Variants in TMEM212 observed in about 807,000 individuals in gnomAD.
TMEM212 encodes transmembrane protein 212.
TMEM212 carries 23 observed loss-of-function variants against 20.5 expected under a neutral mutation model. The observed-to-expected ratio is 1.12, with a 90% CI of 0.81 to 1.59. TMEM212 has a LOEUF of 1.59. TMEM212 is among the 40% of genes most tolerant of loss of function. The pLI is 0.00. For synonymous variants in TMEM212, 76 were observed against 81.6 expected, an observed-to-expected ratio of 0.93 and a Z score of 0.37; for missense variants, 211 against 215.0, an observed-to-expected ratio of 0.98 and a Z score of 0.12.
intron 1 of TMEM212, among the ~76,000 whole-genome samples, chr3:171,843,947 C>T (rs1724774206): frequency 6.6e-6 from 1 of 152,178 alleles, no homozygotes; most frequent in South Asian, 2.1e-4. Flanking sequence ...CTAATGCTTT[C>T]ATTGCAAACA....
At chr3:171,854,059 C>T (rs545190050) in intron 3 of TMEM212, among the ~76,000 whole-genome samples, 29 of 151,860 alleles carry the variant, frequency 1.9e-4, no homozygotes, top group Non-Finnish European at 3.5e-4. Context: ...AAGTTATGGC[C>T]GTAGGTAGCA....
At chr3:171,855,854 A>C (rs560422145) in intron 3 of TMEM212, among the ~76,000 whole-genome samples, 8 of 152,364 alleles carry the variant, frequency 5.3e-5, no homozygotes, top group Admixed American at 5.2e-4. Flanking sequence ...GATTATTAAA[A>C]GTTAAAATAG....
At chr3:171,850,437 G>C (rs531377063) in intron 1 of TMEM212, among the ~76,000 whole-genome samples, 1 of 152,304 alleles carries the variant, frequency 6.6e-6, no homozygotes, top group South Asian at 2.1e-4. Flanking sequence ...AAGTAGTTAA[G>C]GCAACCTGGA....
At chr3:171,851,127 A>C (rs1223856614) in intron 1 of TMEM212, among the ~76,000 whole-genome samples, 3 of 152,180 alleles carry the variant, frequency 2.0e-5, no homozygotes, top group Non-Finnish European at 2.9e-5. Flanking sequence ...TATTTTAGGC[A>C]CATCTCTTCC....
chr3:171,844,975 G>T (rs1724799869), intron 1 of TMEM212, among the ~76,000 whole-genome samples: 1 of 152,168 alleles, frequency 6.6e-6, no homozygotes, highest in South Asian at 2.1e-4. Context: ...TTATGGGAGA[G>T]TCGATGGAAT....
At chr3:171,852,151 G>A in intron 2 of TMEM212, 110 bp downstream of exon 2, 1 of 896,188 alleles carries the variant, frequency 1.1e-6, no homozygotes, top group East Asian at 2.7e-5. Flanking sequence ...ATTGAATTTG[G>A]TCTAATTGAT....
At chr3:171,851,702 C>T (rs983104900) in intron 1 of TMEM212, among the ~76,000 whole-genome samples, 1 of 152,196 alleles carries the variant, frequency 6.6e-6, no homozygotes, top group African/African-American at 2.4e-5. Context: ...ATCGTGGTGA[C>T]ACCTTACAGT....
At chr3:171,856,762 A>T in intron 4 of TMEM212, 55 bp downstream of exon 4, 1 of 560,382 alleles carries the variant, frequency 1.8e-6, no homozygotes, top group Non-Finnish European at 3.2e-6. Context: ...AAGCACACAG[A>T]TTAATAGAAT....
At chr3:171,844,637 C>A (rs2108377459) in intron 1 of TMEM212, among the ~76,000 whole-genome samples, 1 of 152,082 alleles carries the variant, frequency 6.6e-6, no homozygotes, top group East Asian at 1.9e-4. Flanking sequence ...ACCTGGGAGG[C>A]AGAGTTTGCA....
chr3:171,850,904 T>C (rs1204139041), intron 1 of TMEM212, among the ~76,000 whole-genome samples: 1 of 152,058 alleles, frequency 6.6e-6, no homozygotes, highest in Non-Finnish European at 1.5e-5. Context: ...ACATTCAAAA[T>C]AAAATATGCC....
intron 4 of TMEM212, among the ~76,000 whole-genome samples, chr3:171,857,806 C>A (rs1725154263): frequency 6.6e-6 from 1 of 152,120 alleles, no homozygotes; most frequent in African/African-American, 2.4e-5. Flanking sequence ...TTTAACATTA[C>A]AAATTATTAG....
At chr3:171,852,260 G>A (rs1327322493) in intron 2 of TMEM212, among the ~76,000 whole-genome samples, 1 of 151,960 alleles carries the variant, frequency 6.6e-6, no homozygotes, top group Non-Finnish European at 1.5e-5. Context: ...GAGTGCAGTG[G>A]CATGATCTCG....
At chr3:171,852,181 C>A in intron 2 of TMEM212, 140 bp downstream of exon 2, 1 of 655,926 alleles carries the variant, frequency 1.5e-6, no homozygotes, top group Non-Finnish European at 2.5e-6. Context: ...CAATGGATTT[C>A]AGAAATAAAC....
intron 2 of TMEM212, 102 bp downstream of exon 2, chr3:171,852,143 T>C: frequency 1.0e-6 from 1 of 952,674 alleles, no homozygotes; most frequent in Non-Finnish European, 1.6e-6. Flanking sequence ...CAATTAGAAT[T>C]GAATTTGGTC....
intron 2 of TMEM212, among the ~76,000 whole-genome samples, chr3:171,852,854 TG>T (rs1482053600): frequency 7.2e-5 from 11 of 152,252 alleles, no homozygotes; most frequent in Non-Finnish European, 1.5e-4. Flanking sequence ...TTAATGTACA[TG>T]TAAATCAACT....
At chr3:171,854,893 T>C (rs1031163800) in intron 3 of TMEM212, among the ~76,000 whole-genome samples, 1 of 152,170 alleles carries the variant, frequency 6.6e-6, no homozygotes, top group Non-Finnish European at 1.5e-5. Context: ...AAAAGGGATA[T>C]TTAGGACAAA....
chr3:171,853,756 C>A lies in TMEM212; in HGVS notation c.449C>A (p.Ala150Asp). ...GAAGAGTACCACCTGACACTTCAAG[C>A]CCTAGACCTGTGCCTAAGCTTTACC... ...HYEEYHLTLQ[A>D]LDLCLSFTLL... is the part of the protein sequence containing the mutation. Residue 150 changes from alanine to aspartate, a missense_variant, in exon 3 of 5, where the codon GCC becomes GAC. Transcript: ENST00000334567. The A allele has an allele frequency of 6.5e-7, 1 of 1,537,356 alleles. No individual in the cohort carries two copies. The highest frequency in any genetic ancestry group is 8.7e-7 in the Non-Finnish European group (1 of 1,146,888).
chr3:171,850,930 C>T (rs539440575), intron 1 of TMEM212, among the ~76,000 whole-genome samples: 3 of 152,192 alleles, frequency 2.0e-5, no homozygotes, highest in African/African-American at 7.2e-5. Context: ...AATGAAAAAG[C>T]TAAGTCTCAA....
At chr3:171,854,182 C>A (rs1461413194) in intron 3 of TMEM212, among the ~76,000 whole-genome samples, 1 of 151,714 alleles carries the variant, frequency 6.6e-6, no homozygotes, top group Non-Finnish European at 1.5e-5. Context: ...CTAGCCAGAG[C>A]AATTAGGCAA....
Sources: gnomAD v4.1 joint callset for allele counts (sites outside exome capture counted in the v4.1 genomes callset) on GRCh38, gnomAD v4.1.1 for gene constraint, MANE v1.5 for transcripts, NCBI Gene and HGNC (gene_info 2026-07-23, HGNC 2026-07-21) for gene names.